Variants in EVC observed in about 807,000 individuals in gnomAD.
The protein encoded by EVC is evC complex member EVC.
Under a neutral mutation model 118.9 loss-of-function variants are expected in EVC, and 116 were observed. The observed-to-expected ratio is 0.98, with a 90% CI of 0.84 to 1.14. The LOEUF is 1.14. Among genes scored for constraint, EVC ranks in the 50% most tolerant of loss-of-function variants. EVC has a pLI of 0.00. For synonymous variants in EVC, 619 were observed against 534.7 expected, an observed-to-expected ratio of 1.16 and a Z score of -2.18; for missense variants, 1,401 against 1,246.4, an observed-to-expected ratio of 1.12 and a Z score of -1.87.
chr4:5,821,947 AC>A, the EVC span: 2 of 1,127,238 alleles, frequency 1.8e-6, no homozygotes, highest in Non-Finnish European at 2.5e-6. This position sits in a 1 kb window ranked among gnomAD's most constrained non-coding sequence, Gnocchi z 4.4. Flanking sequence ...ACTCCACTGG[AC>A]CCACCTTCAT....
chr4:5,759,850 GAC>G (rs1195631226), intron 11 of EVC, among the ~76,000 whole-genome samples: 1 of 152,190 alleles, frequency 6.6e-6, no homozygotes, highest in Non-Finnish European at 1.5e-5. Flanking sequence ...GCGTCCTGAC[GAC>G]ACGCGCCCAA....
At chr4:5,783,242 G>A (rs1218549055) in intron 11 of EVC, among the ~76,000 whole-genome samples, 1 of 152,114 alleles carries the variant, frequency 6.6e-6, no homozygotes, top group Non-Finnish European at 1.5e-5. Flanking sequence ...GTGTTCCTGT[G>A]TGTGTGCATG....
At chr4:5,752,548 T>G in intron 8 of EVC, 1 of 513,386 alleles carries the variant, frequency 1.9e-6, no homozygotes, top group Non-Finnish European at 3.5e-6. Context: ...TAAATCTGGA[T>G]TCCCTCCTAG....
chr4:5,731,140 G>A lies in EVC; in HGVS notation c.385-285G>A, dbSNP rs192100095. 3.9e-5 allele frequency among the ~76,000 whole-genome samples: 6 copies of A among 152,102 alleles called. No individual in the cohort carries two copies. The East Asian group carries it at 5.8e-4, about 15-fold the overall frequency. ...GAGTTGGCAGCTGGGAGGAGGGTGC[G>A]CTGGGTGTCCGGGGCACAGATCCAG... On this transcript the variant is annotated intron_variant, in intron 3 of 20. Transcript: ENST00000264956. The surrounding 1 kb of genome is among the most constrained non-coding windows in gnomAD (Gnocchi z 5.6).
Position 5,811,135 on chromosome 4 carries a change from G to T in EVC, c.*98G>T, listed in dbSNP as rs1716858174. On this transcript the variant is annotated 3_prime_UTR_variant, in exon 21 of 21. Coordinates refer to ENST00000264956, the MANE Select transcript of EVC (RefSeq NM_153717.3). Reference sequence around the variant, plus strand: ...GCTGAGAGGCAGCGAGGACGGAGAGGACAGCGGCATCTCTAGGCTCTTCTG... The same window carrying T: ...GCTGAGAGGCAGCGAGGACGGAGAGTACAGCGGCATCTCTAGGCTCTTCTG... The T allele has an allele frequency of 7.4e-6, 7 of 948,178 alleles. No individual in the cohort carries two copies. The South Asian group carries it at 9.8e-5, about 13-fold the overall frequency. 58.7% of individuals were successfully genotyped at this position (948,178 alleles called of 1,614,324 possible). A position where few individuals can be genotyped will look rare whatever the true frequency, so the allele number is the denominator to read the frequency against.
intron 13 of EVC, among the ~76,000 whole-genome samples, chr4:5,796,746 G>C (rs1260972008): frequency 6.6e-6 from 1 of 151,884 alleles, no homozygotes; most frequent in African/African-American, 2.4e-5. Context: ...TTAGAGTCAT[G>C]CCATTAATTC....
Position 5,793,576 on chromosome 4 carries a change from A to G in EVC, c.1777-32A>G, listed in dbSNP as rs774548684. On this transcript the variant is annotated intron_variant, in intron 12 of 20. Coordinates refer to ENST00000264956, the MANE Select transcript of EVC (RefSeq NM_153717.3). ...CAGGATTGTTGAAGTGAGTAACCAC[A>G]TGCCTGCTCTGTCCCTCTGTCCCGA... 7.9e-6 allele frequency: 12 copies of G among 1,525,904 alleles called. No individual in the cohort carries two copies. In the African/African-American group the frequency reaches 1.2e-4, roughly 16 times the overall value. 94.5% of individuals were successfully genotyped at this position (1,525,904 alleles called of 1,614,324 possible). A position where few individuals can be genotyped will look rare whatever the true frequency, so the allele number is the denominator to read the frequency against.
chr4:5,805,749 A>G (rs1010640758), intron 17 of EVC, among the ~76,000 whole-genome samples: 2 of 152,156 alleles, frequency 1.3e-5, no homozygotes, highest in African/African-American at 2.4e-5. Flanking sequence ...AGCTGGGCCA[A>G]CCTGCTTTAT....
At chr4:5,774,219 T>C (rs1734398984) in intron 11 of EVC, among the ~76,000 whole-genome samples, 1 of 150,910 alleles carries the variant, frequency 6.6e-6, no homozygotes, top group Admixed American at 6.6e-5. Flanking sequence ...CCCTCCCATC[T>C]CTCCCCTCCT....
At chr4:5,808,466 C>T (rs950519639) in intron 18 of EVC, 139 bp downstream of exon 18, 26 of 1,382,100 alleles carry the variant, frequency 1.9e-5, no homozygotes, top group Non-Finnish European at 2.5e-5. Flanking sequence ...CTGAGTCTCA[C>T]CTGCTGAGGG....
the EVC span, among the ~76,000 whole-genome samples, chr4:5,820,251 A>G: frequency 6.6e-6 from 1 of 152,158 alleles, no homozygotes; most frequent in African/African-American, 2.4e-5. Context: ...CTTCATCACT[A>G]TCACCAACAC....
chr4:5,758,834 G>C (rs1051355627), intron 11 of EVC, among the ~76,000 whole-genome samples: 4 of 152,206 alleles, frequency 2.6e-5, no homozygotes, highest in African/African-American at 9.7e-5. Flanking sequence ...TGTGTTTTTA[G>C]TTTAAAAGTA....
At chr4:5,785,297 C>T (rs1308114615) in intron 12 of EVC, among the ~76,000 whole-genome samples, 1 of 152,196 alleles carries the variant, frequency 6.6e-6, no homozygotes, top group Non-Finnish European at 1.5e-5. Context: ...AGCCCTGAGC[C>T]CCTGGCAGTG....
chr4:5,761,810 GACCTTTAC>G (rs1732072016), intron 11 of EVC, among the ~76,000 whole-genome samples: 1 of 151,814 alleles, frequency 6.6e-6, no homozygotes, highest in African/African-American at 2.4e-5. Flanking sequence ...CTCTCATCCC[GACCTTTAC>G]GGCACCGGGA....
intron 9 of EVC, 79 bp from the exon 10 acceptor site, chr4:5,753,706 C>G (rs1417439409): frequency 5.1e-6 from 8 of 1,581,644 alleles, no homozygotes; most frequent in South Asian, 1.1e-5. Context: ...AACCTCCAGA[C>G]AGGAGAAAGC....
In EVC at chr4:5,798,662, T is replaced by C. The variant is rs2152345706; in HGVS notation, c.2174T>C (p.Leu725Pro). Residue 725 changes from leucine to proline, a missense_variant, in exon 15 of 21, where the codon CTC becomes CCC. By Grantham distance (98) the Leu-to-Pro change is moderately conservative. Transcript: ENST00000264956. The surrounding 1 kb of genome is among the most constrained non-coding windows in gnomAD (Gnocchi z 4.1). ...QQTRLQLQQR[L>P]LAEAQEVGQL... ...ACACGGCTGCAGCTCCAGCAGCGGC[T>C]CCTGGCCGAGGCCCAGGAGGTGGGG... 6.3e-7 allele frequency: 1 copy of C among 1,595,480 alleles called. No individual in the cohort carries two copies. The highest frequency in any genetic ancestry group is 8.5e-7 in the Non-Finnish European group (1 of 1,173,068).
At chr4:5,724,849 T>G (rs565037188) in intron 2 of EVC, among the ~76,000 whole-genome samples, 14 of 152,276 alleles carry the variant, frequency 9.2e-5, no homozygotes, top group African/African-American at 2.9e-4. Context: ...CAGCATGCAC[T>G]AGCTATTCTC....
At chr4:5,744,797 C>T (rs939895944) in intron 6 of EVC, among the ~76,000 whole-genome samples, 2 of 152,142 alleles carry the variant, frequency 1.3e-5, no homozygotes, top group Admixed American at 1.3e-4. Context: ...GGCCTTTAAA[C>T]CAACCAATCA....
At chr4:5,777,556 G>T (rs16837673) in intron 11 of EVC, among the ~76,000 whole-genome samples, 1 of 152,082 alleles carries the variant, frequency 6.6e-6, no homozygotes, top group Non-Finnish European at 1.5e-5. Context: ...CTTAGACCTT[G>T]GCCCATGTAC....
Sources: allele counts gnomAD v4.1 joint callset (sites outside exome capture counted in the v4.1 genomes callset), GRCh38; gene constraint gnomAD v4.1.1; non-coding constraint Gnocchi (gnomAD v3.1); transcripts MANE v1.5; gene names NCBI Gene and HGNC (gene_info 2026-07-23, HGNC 2026-07-21).